The following VMP1 variants were observed in gnomAD, a reference collection of about 807,000 sequenced individuals.
VMP1 encodes vacuole membrane protein 1, also known as ectopic P-granules autophagy protein 3 homolog.
A neutral mutation model predicts 56.0 loss-of-function variants in VMP1; 11 were observed. The ratio of observed to expected loss-of-function variants is 0.20; its 90% confidence interval spans 0.12 to 0.32. The LOEUF (loss-of-function observed/expected upper bound fraction) is 0.32, where lower values mean the gene tolerates loss of function less well. VMP1 is among the 10% of genes least tolerant of loss of function. VMP1 has a pLI of 1.00. For missense variants in VMP1, 296 were observed against 490.3 expected (o/e 0.60, Z 3.74); for synonymous variants, 149 against 165.0 (o/e 0.90, Z 0.74).
At chr17:59,746,867 T>C (rs1024832776) in intron 5 of VMP1, among the ~76,000 whole-genome samples, 3 of 152,236 alleles carry the variant, frequency 2.0e-5, no homozygotes, top group African/African-American at 7.2e-5. Flanking sequence ...AGGAGGCCTG[T>C]TAATTTCTGA....
chr17:59,743,820 C>T (rs1432372783), intron 5 of VMP1, among the ~76,000 whole-genome samples: 4 of 151,936 alleles, frequency 2.6e-5, no homozygotes, highest in African/African-American at 9.7e-5. Context: ...TGATTTTCTA[C>T]ATAGATAATT....
chr17:59,719,340 A>AATAG (rs764772015), intron 1 of VMP1, among the ~76,000 whole-genome samples: 1 of 152,024 alleles, frequency 6.6e-6, no homozygotes, highest in Non-Finnish European at 1.5e-5. Flanking sequence ...CAAACAAACA[A>AATAG]ATAGATACTT....
At chr17:59,804,574 C>A (rs1174113659) in intron 7 of VMP1, among the ~76,000 whole-genome samples, 2 of 136,406 alleles carry the variant, frequency 1.5e-5, no homozygotes, top group Non-Finnish European at 3.0e-5. Flanking sequence ...AAGATCGCAC[C>A]ACTTCACTCA....
chr17:59,715,675 C>T (rs755438950), intron 1 of VMP1, among the ~76,000 whole-genome samples: 2 of 152,136 alleles, frequency 1.3e-5, no homozygotes, highest in African/African-American at 2.4e-5. Flanking sequence ...TATTTAGGCT[C>T]TGTATAATTT....
chr17:59,761,696 CA>C (rs1393886026), intron 5 of VMP1, among the ~76,000 whole-genome samples: 5 of 152,194 alleles, frequency 3.3e-5, no homozygotes, highest in South Asian at 4.1e-4. Flanking sequence ...TACAAATCCC[CA>C]GTAATTATTC....
chr17:59,744,428 C>T (rs1205438532), intron 5 of VMP1, among the ~76,000 whole-genome samples: 1 of 148,122 alleles, frequency 6.8e-6, no homozygotes, highest in Non-Finnish European at 1.5e-5. Flanking sequence ...CACCACTGCA[C>T]CCCGGCCTGG....
At chr17:59,815,341 A>G (rs2038189190) in intron 9 of VMP1, among the ~76,000 whole-genome samples, 1 of 152,188 alleles carries the variant, frequency 6.6e-6, no homozygotes, top group Non-Finnish European at 1.5e-5. Flanking sequence ...ATACTCATTC[A>G]TGTTATTTCA....
At chr17:59,774,380 T>A (rs1166599041) in intron 7 of VMP1, among the ~76,000 whole-genome samples, 1 of 151,412 alleles carries the variant, frequency 6.6e-6, no homozygotes, top group Non-Finnish European at 1.5e-5. Flanking sequence ...ATCATCCCAC[T>A]GTACTCTGGC....
rs1391699767 is a variant in VMP1 at position 59,801,079 on chromosome 17, C to CGGA, written c.715-7716_715-7715insGAG. ...TGGGCGACAGAGCAAGACTCCATCT[C>CGGA]GAAAAAAAAAAAATATATATATATA... On this transcript the variant is annotated intron_variant, in intron 7 of 11. Coordinates refer to ENST00000262291, the MANE Select transcript of VMP1 (RefSeq NM_030938.5). Among the ~76,000 whole-genome samples the CGGA allele has an allele frequency of 1.1e-4, 3 of 27,342 alleles. No homozygotes were observed. In the East Asian group the frequency reaches 5.2e-3, roughly 48 times the overall value. The allele number at this position is 27,342 out of a possible 152,430, so 17.9% of individuals were successfully genotyped here. A position where few individuals can be genotyped will look rare whatever the true frequency, so the allele number is the denominator to read the frequency against.
chr17:59,714,581 T>C (rs1391699602), intron 1 of VMP1, among the ~76,000 whole-genome samples: 1 of 151,996 alleles, frequency 6.6e-6, no homozygotes. Flanking sequence ...TTTCACCTTT[T>C]TCAAATGTAT....
chr17:59,808,936 T>C, intron 8 of VMP1, 60 bp downstream of exon 8: 1 of 1,372,342 alleles, frequency 7.3e-7, no homozygotes, highest in Non-Finnish European at 1.0e-6. Flanking sequence ...TTTTGATCCA[T>C]ATATACTCCT....
intron 7 of VMP1, among the ~76,000 whole-genome samples, chr17:59,793,601 C>G (rs1017273808): frequency 1.7e-5 from 2 of 115,576 alleles, no homozygotes; most frequent in African/African-American, 5.2e-5. Flanking sequence ...TGCGTGTGTG[C>G]ACGCGTGCGC....
At chr17:59,718,621 A>G (rs1178872779) in intron 1 of VMP1, among the ~76,000 whole-genome samples, 1 of 152,096 alleles carries the variant, frequency 6.6e-6, no homozygotes, top group Non-Finnish European at 1.5e-5. Context: ...CTCTGGTCTC[A>G]GCCTCCCAAG....
At chr17:59,810,891 C>G (rs372583351) in intron 8 of VMP1, among the ~76,000 whole-genome samples, 2 of 152,226 alleles carry the variant, frequency 1.3e-5, no homozygotes, top group African/African-American at 4.8e-5. Context: ...TGCTCAAAAA[C>G]AGCTTGTGGC....
intron 7 of VMP1, among the ~76,000 whole-genome samples, chr17:59,789,835 CTTTTT>C (rs754631557): frequency 5.6e-4 from 48 of 85,974 alleles, no homozygotes; most frequent in African/African-American, 2.2e-3. Flanking sequence ...CTTTCTTTCC[CTTTTT>C]TTTTTTTTTT....
chr17:59,749,310 G>A (rs1219239509), intron 5 of VMP1, among the ~76,000 whole-genome samples: 1 of 151,778 alleles, frequency 6.6e-6, no homozygotes, highest in Admixed American at 6.6e-5. Flanking sequence ...ATGAGTATTT[G>A]TATATATGTT....
intron 5 of VMP1, among the ~76,000 whole-genome samples, chr17:59,739,503 T>A (rs1011695430): frequency 1.4e-4 from 21 of 151,850 alleles, no homozygotes; most frequent in Middle Eastern, 6.8e-3. Flanking sequence ...GGCGGGCAGA[T>A]CATGAGGTCT....
intron 1 of VMP1, among the ~76,000 whole-genome samples, chr17:59,713,770 C>T (rs187914899): frequency 2.7e-5 from 4 of 145,478 alleles, no homozygotes; most frequent in African/African-American, 1.0e-4. Flanking sequence ...GGGCTGGGCA[C>T]AATGGTTCAC....
At chr17:59,817,678 AAAT>A in intron 9 of VMP1, 31 bp from the exon 10 acceptor site, 1 of 1,519,420 alleles carries the variant, frequency 6.6e-7, no homozygotes. Context: ...TTTGATGACT[AAAT>A]AATTTATTTT....
Sources: allele counts gnomAD v4.1 joint callset (sites outside exome capture counted in the v4.1 genomes callset), GRCh38; gene constraint gnomAD v4.1.1; transcripts MANE v1.5; gene names NCBI Gene and HGNC (gene_info 2026-07-23, HGNC 2026-07-21).